Variants in SSPN observed in about 807,000 individuals in gnomAD.
The protein encoded by SSPN is K-ras oncogene-associated protein.
A neutral mutation model predicts 19.1 loss-of-function variants in SSPN; 15 were observed. That is an observed-to-expected ratio of 0.78 (90% confidence interval 0.52 to 1.21). The LOEUF (loss-of-function observed/expected upper bound fraction) is 1.21, where lower values mean the gene tolerates loss of function less well. Among genes scored for constraint, SSPN ranks in the 50% most tolerant of loss-of-function variants. The pLI, the probability that SSPN is intolerant of heterozygous loss-of-function variation, is 0.00. For synonymous variants in SSPN, 147 were observed against 140.3 expected (o/e 1.05, Z -0.34); for missense variants, 291 against 314.0 (o/e 0.93, Z 0.55).
chr12:26,181,172 C>T (rs1459501393), intron 1 of SSPN: 1 of 152,182 alleles, frequency 6.6e-6, no homozygotes, highest in Non-Finnish European at 1.5e-5. Flanking sequence ...AGTAGATAAA[C>T]TGCGATCTCT....
At chr12:26,204,600 G>A (rs1033992202) in intron 1 of SSPN, among the ~76,000 whole-genome samples, 2 of 152,166 alleles carry the variant, frequency 1.3e-5, no homozygotes, top group Non-Finnish European at 2.9e-5. Flanking sequence ...TCCTGTGGGG[G>A]GTGGTGATTG....
chr12:26,169,055 G>A (rs1183489257), intron 1 of SSPN, among the ~76,000 whole-genome samples: 1 of 148,516 alleles, frequency 6.7e-6, no homozygotes, highest in African/African-American at 2.5e-5. Flanking sequence ...TTAAGGTAAT[G>A]ATGGTCATCC....
intron 1 of SSPN, among the ~76,000 whole-genome samples, chr12:26,167,939 C>T (rs1470161971): frequency 6.6e-6 from 1 of 152,144 alleles, no homozygotes; most frequent in African/African-American, 2.4e-5. Flanking sequence ...GGCAGCTGGG[C>T]ATGGTGGCTT....
At chr12:26,228,635 G>T (rs1022320508) in intron 2 of SSPN, among the ~76,000 whole-genome samples, 33 of 146,556 alleles carry the variant, frequency 2.3e-4, no homozygotes, top group African/African-American at 6.4e-4. Context: ...GCTGTACTGG[G>T]AATACAGCTA....
chr12:26,183,675 A>G (rs1283684067), intron 1 of SSPN, among the ~76,000 whole-genome samples: 1 of 152,250 alleles, frequency 6.6e-6, no homozygotes, highest in East Asian at 1.9e-4. Context: ...AGGGGCATTC[A>G]GAATACTGAG....
At chr12:26,131,036 G>A (rs1320892099) in intron 1 of SSPN, among the ~76,000 whole-genome samples, 7 of 152,146 alleles carry the variant, frequency 4.6e-5, no homozygotes, top group Admixed American at 2.0e-4. Flanking sequence ...TAGATACTGG[G>A]TTGGCACTAG....
exon 1 of SSPN, chr12:26,122,007 C>T (rs958213577): frequency 6.5e-7 from 1 of 1,544,956 alleles, no homozygotes; most frequent in African/African-American, 1.4e-5. Flanking sequence ...CTTGAACCTC[C>T]TTAAGGGTAT....
chr12:26,198,884 C>T (rs1944853756), intron 1 of SSPN, among the ~76,000 whole-genome samples: 1 of 152,116 alleles, frequency 6.6e-6, no homozygotes, highest in East Asian at 1.9e-4. Flanking sequence ...ATCAGTTTTC[C>T]CTGTTCAGGA....
rs1338501326 is a variant in SSPN, at chr12:26,126,880, A to G, written c.-31+4728A>G. 2.6e-5 allele frequency among the ~76,000 whole-genome samples: 4 copies of G among 152,352 alleles called. No homozygotes were observed. In the East Asian group the frequency reaches 5.8e-4, roughly 22 times the overall value. ...ATTTAATCACGATGGTTCTTAATTT[A>G]AAAAGTATTTTTAAAATGCTGACTT... On this transcript the variant is annotated intron_variant, in intron 1 of 2. Transcript: ENST00000538142.
intron 1 of SSPN, among the ~76,000 whole-genome samples, chr12:26,152,474 A>C (rs1944531508): frequency 6.6e-6 from 1 of 152,222 alleles, no homozygotes; most frequent in African/African-American, 2.4e-5. Flanking sequence ...AAAATTTAAG[A>C]ACTGGCTCTT....
intron 1 of SSPN, among the ~76,000 whole-genome samples, chr12:26,155,034 A>G (rs1197738882): frequency 6.6e-6 from 1 of 152,204 alleles, no homozygotes; most frequent in Non-Finnish European, 1.5e-5. Flanking sequence ...CTAGATCTCT[A>G]TCAGACTACT....
chr12:26,178,988 G>C (rs1016113672), intron 1 of SSPN, among the ~76,000 whole-genome samples: 2 of 152,202 alleles, frequency 1.3e-5, no homozygotes, highest in African/African-American at 4.8e-5. Context: ...ACAGCTTACA[G>C]TGTAGGAGGG....
At chr12:26,152,936 C>T (rs1239719861) in intron 1 of SSPN, among the ~76,000 whole-genome samples, 1 of 152,172 alleles carries the variant, frequency 6.6e-6, no homozygotes, top group African/African-American at 2.4e-5. Flanking sequence ...CTTTATTTTC[C>T]TAAAACACAC....
chr12:26,123,958 A>C, intron 1 of SSPN: 2 of 858,136 alleles, frequency 2.3e-6, no homozygotes, highest in Non-Finnish European at 1.9e-6. Flanking sequence ...ACGGTATAGC[A>C]CAAGTTTTAA....
intron 1 of SSPN, among the ~76,000 whole-genome samples, chr12:26,173,431 C>A (rs954336525): frequency 6.6e-6 from 1 of 152,198 alleles, no homozygotes; most frequent in African/African-American, 2.4e-5. Context: ...CCTGGTGCAT[C>A]CCTACTCTGG....
chr12:26,228,628 G>C (rs187432745), intron 2 of SSPN, among the ~76,000 whole-genome samples: 1 of 149,990 alleles, frequency 6.7e-6, no homozygotes, highest in Non-Finnish European at 1.5e-5. Context: ...TCTGCTGGCT[G>C]TACTGGGAAT....
At chr12:26,191,677 TACACACACACACACACACACAC>T (rs10525695), upstream of SSPN, among the ~76,000 whole-genome samples, 75 of 149,120 alleles carry the variant, frequency 5.0e-4, no homozygotes, top group African/African-American at 1.5e-3. Context: ...TAATTTGTTC[TACACACACACACACACACACAC>T]ACACACACAC....
intron 1 of SSPN, among the ~76,000 whole-genome samples, chr12:26,212,033 A>AAATGCTCAAATC (rs1944993143): frequency 6.6e-6 from 1 of 152,190 alleles, no homozygotes; most frequent in Non-Finnish European, 1.5e-5. Context: ...TGGCAAATGC[A>AAATGCTCAAATC]TGAGCAAAAT....
At chr12:26,197,969 G>A (rs886442841) in intron 1 of SSPN, among the ~76,000 whole-genome samples, 2 of 152,186 alleles carry the variant, frequency 1.3e-5, no homozygotes, top group African/African-American at 4.8e-5. Flanking sequence ...CAGAATTTGG[G>A]CATGTGTCAC....
Sources: allele counts gnomAD v4.1 joint callset (sites outside exome capture counted in the v4.1 genomes callset), GRCh38; gene constraint gnomAD v4.1.1; transcripts MANE v1.5; gene names NCBI Gene and HGNC (gene_info 2026-07-23, HGNC 2026-07-21).